The following FAM53A variants were observed in gnomAD, a reference collection of about 807,000 sequenced individuals.
FAM53A encodes the protein protein FAM53A.
In FAM53A, 28 loss-of-function variants were observed where a neutral mutation model predicts 26.6. The observed-to-expected ratio is 1.05, with a 90% confidence interval of 0.78 to 1.45. FAM53A has a LOEUF of 1.45. Ranked by LOEUF, FAM53A falls within the 40% of genes most tolerant of loss-of-function variation. The pLI is 0.00. For synonymous variants in FAM53A, 290 were observed against 253.1 expected (o/e 1.15, Z -1.38); for missense variants, 650 against 575.8 (o/e 1.13, Z -1.32).
At chr4:1,598,993 G>A in the FAM53A span, among the ~76,000 whole-genome samples, 1 of 152,260 alleles carries the variant, frequency 6.6e-6, no homozygotes, top group Admixed American at 6.5e-5. Context: ...CGTGCGCAGG[G>A]GTGCGTGCGG....
chr4:1,643,816 C>T (rs1184115650), intron 4 of FAM53A, among the ~76,000 whole-genome samples: 2 of 152,192 alleles, frequency 1.3e-5, no homozygotes, highest in East Asian at 3.9e-4. Flanking sequence ...ATCCTCCCGC[C>T]TCAGCCTCCC....
At chr4:1,603,251 T>C in the FAM53A span, among the ~76,000 whole-genome samples, 1 of 151,970 alleles carries the variant, frequency 6.6e-6, no homozygotes, top group Non-Finnish European at 1.5e-5. Flanking sequence ...GGGTAAACGC[T>C]GGTGGGCACA....
rs373370972 is a variant in FAM53A at position 1,655,512 on chromosome 4, C to G, written c.348G>C (p.Pro116=). The stretch of plus-strand genomic sequence containing the variant: ...ACAAGGACCGGCAATGCCGCTTGGT[C>G]GGTGGGGCCGTGGACGAGCCTGTGC... ...SESTGSSTAP[P]TKRHCRSLSE... Residue 116 remains proline (P), a synonymous_variant, in exon 4 of 5, where the codon CCG becomes CCC. Transcript: ENST00000308132. 6.4e-7 allele frequency: 1 copy of G among 1,568,160 alleles called. No homozygotes were observed.
chr4:1,647,714 CAT>C (rs1010837692), intron 4 of FAM53A, among the ~76,000 whole-genome samples: 66 of 152,150 alleles, frequency 4.3e-4, no homozygotes, highest in East Asian at 5.8e-4. Context: ...CAGCGGTGCA[CAT>C]GAGTGGGAGT....
intron 1 of FAM53A, among the ~76,000 whole-genome samples, chr4:1,679,221 C>G (rs1243764831): frequency 6.6e-6 from 1 of 151,082 alleles, no homozygotes; most frequent in Non-Finnish European, 1.5e-5. Context: ...CCCATCTCTA[C>G]CAAAAAACTA....
At chr4:1,598,226 C>T in the FAM53A span, among the ~76,000 whole-genome samples, 2 of 152,238 alleles carry the variant, frequency 1.3e-5, no homozygotes, top group African/African-American at 4.8e-5. Flanking sequence ...ACAGCTCCAC[C>T]GAGGCCCTGG....
In FAM53A at chr4:1,641,231, C is replaced by T. The variant is rs1711672890; in HGVS notation, c.*62G>A. 1.9e-6 allele frequency: 3 copies of T among 1,561,294 alleles called. No homozygotes were observed. The highest frequency in any genetic ancestry group is 2.4e-5 in the South Asian group (2 of 84,930). Reference sequence around the variant, plus strand: ...TGGCCCCGACCAGCTCACAGGAAACCTACTCTGTGCCCCAGGGCAGGTGCA... The same window carrying T: ...TGGCCCCGACCAGCTCACAGGAAACTTACTCTGTGCCCCAGGGCAGGTGCA... On this transcript the variant is annotated 3_prime_UTR_variant, in exon 5 of 5. Coordinates refer to ENST00000308132, the MANE Select transcript of FAM53A (RefSeq NM_001174070.3).
chr4:1,618,836 C>G (rs1287791458), intron 1 of FAM53A, among the ~76,000 whole-genome samples: 9 of 152,112 alleles, frequency 5.9e-5, no homozygotes, highest in African/African-American at 2.2e-4. Context: ...CGACCCCCAG[C>G]CCCCGACCCC....
the FAM53A span, among the ~76,000 whole-genome samples, chr4:1,592,125 C>T: frequency 3.9e-5 from 6 of 152,220 alleles, no homozygotes; most frequent in African/African-American, 1.4e-4. Context: ...GCCGCTGTGC[C>T]TACGTGTTAA....
the FAM53A span, among the ~76,000 whole-genome samples, chr4:1,597,102 T>C: frequency 6.6e-6 from 1 of 152,036 alleles, no homozygotes; most frequent in South Asian, 2.1e-4. Flanking sequence ...TTCTTTTCCC[T>C]CACTGGGACT....
In FAM53A at chr4:1,680,984, T is replaced by C. The variant is rs572529030; in HGVS notation, c.-165+3249A>G. 3.3e-5 allele frequency among the ~76,000 whole-genome samples: 5 copies of C among 152,304 alleles called. No individual in the cohort carries two copies. The South Asian group carries it at 1.0e-3, about 32-fold the overall frequency. On this transcript the variant is annotated intron_variant, in intron 1 of 4. Transcript: ENST00000308132. ...GATGTCAACTATGGACTTTGGATAATAAGCATGTGTCCATGTAGGTTCATC... is the reference window on the plus strand; with the variant it reads ...GATGTCAACTATGGACTTTGGATAACAAGCATGTGTCCATGTAGGTTCATC...
At position 1,669,486 on chromosome 4, in the gene FAM53A, G is replaced by T. The variant is rs145940198; in HGVS notation, c.-164-581C>A. ...TCCAGCCTCAGGAGTGGGCAGATCC[G>T]TCTGTACTGCAGGCAGAGGCTGCGG... On this transcript the variant is annotated intron_variant, in intron 1 of 4. Coordinates refer to ENST00000308132, the MANE Select transcript of FAM53A (RefSeq NM_001174070.3). 1.2e-3 allele frequency among the ~76,000 whole-genome samples: 190 copies of T among 152,330 alleles called. 1 individual carries two copies. Among genetic ancestry groups the T allele is most frequent in the South Asian group, 3.9e-3 (19 of 4,832 alleles).
chr4:1,671,743 CACCGTG>C (rs1358377684), intron 1 of FAM53A, among the ~76,000 whole-genome samples: 1 of 152,408 alleles, frequency 6.6e-6, no homozygotes, highest in East Asian at 1.9e-4. Flanking sequence ...GCTCCCTTCA[CACCGTG>C]CACCACGAGG....
At chr4:1,644,478 A>C (rs1712059551) in intron 4 of FAM53A, 2 of 1,128,774 alleles carry the variant, frequency 1.8e-6, no homozygotes, top group East Asian at 2.6e-5. Context: ...ACGGAACTGA[A>C]GGGGCCACCC....
intron 4 of FAM53A, chr4:1,644,198 C>T (rs1712021675): frequency 6.5e-7 from 1 of 1,535,930 alleles, no homozygotes; most frequent in Non-Finnish European, 8.7e-7. Flanking sequence ...CCTTCAGGGG[C>T]CAGGTTTCCT....
the FAM53A span, among the ~76,000 whole-genome samples, chr4:1,587,636 C>T: frequency 2.6e-5 from 4 of 152,156 alleles, no homozygotes; most frequent in African/African-American, 9.7e-5. Flanking sequence ...TGCGCCACTG[C>T]ACTCCAGCCT....
chr4:1,635,907 G>A (rs111664446), downstream of FAM53A, among the ~76,000 whole-genome samples: 1,843 of 139,970 alleles, frequency 0.013, 33 homozygotes, highest in African/African-American at 0.048. Flanking sequence ...GCAGTGGCGC[G>A]ATCTCGGCTC....
chr4:1,660,200 G>A (rs550343309), intron 2 of FAM53A, among the ~76,000 whole-genome samples: 4 of 152,070 alleles, frequency 2.6e-5, no homozygotes, highest in African/African-American at 4.8e-5. Context: ...GGGGAATCGC[G>A]TGAACCCGGG....
chr4:1,680,012 G>C (rs57670762), intron 1 of FAM53A, among the ~76,000 whole-genome samples: 12,473 of 128,188 alleles, frequency 0.097, 1,579 homozygotes, highest in African/African-American at 0.3. Flanking sequence ...GACAGGGCAA[G>C]ACTCCGTCTC....
Sources: gnomAD v4.1 joint callset for allele counts (sites outside exome capture counted in the v4.1 genomes callset) on GRCh38, gnomAD v4.1.1 for gene constraint, MANE v1.5 for transcripts, NCBI Gene and HGNC (gene_info 2026-07-23, HGNC 2026-07-21) for gene names.